CAMK1D: variants seen among roughly 807,000 people sequenced by gnomAD.
CAMK1D encodes calcium/calmodulin dependent protein kinase ID.
In CAMK1D, 9 loss-of-function variants were observed where a neutral mutation model predicts 47.7. The observed-to-expected ratio is 0.19, with a 90% CI of 0.11 to 0.33. CAMK1D has a LOEUF of 0.33. CAMK1D is among the 10% of genes least tolerant of loss of function. CAMK1D has a pLI of 1.00. For missense variants in CAMK1D, 291 were observed against 488.7 expected, an observed-to-expected ratio of 0.60 and a Z score of 3.81; for synonymous variants, 184 against 184.9, an observed-to-expected ratio of 0.99 and a Z score of 0.04.
intron 2 of CAMK1D, among the ~76,000 whole-genome samples, chr10:12,579,102 C>G (rs1837584480): frequency 6.6e-6 from 1 of 151,788 alleles, no homozygotes. Context: ...GAGCAAGAAA[C>G]AATTGGCTGG....
chr10:12,651,624 A>G (rs536051313), intron 2 of CAMK1D, among the ~76,000 whole-genome samples: 39 of 151,166 alleles, frequency 2.6e-4, no homozygotes, highest in Middle Eastern at 3.4e-3. Context: ...CTGGTCTCAA[A>G]CTCCTGGGTT....
chr10:12,409,018 G>T (rs1839556522), intron 1 of CAMK1D, among the ~76,000 whole-genome samples: 1 of 151,758 alleles, frequency 6.6e-6, no homozygotes, highest in Admixed American at 6.6e-5. Flanking sequence ...CACCATGCCT[G>T]GCTAATACTT....
At chr10:12,697,217 C>G (rs1588812382) in intron 3 of CAMK1D, among the ~76,000 whole-genome samples, 1 of 152,128 alleles carries the variant, frequency 6.6e-6, no homozygotes, top group South Asian at 2.1e-4. Context: ...TTTCATATGT[C>G]CAAGAACCAG....
intron 2 of CAMK1D, among the ~76,000 whole-genome samples, chr10:12,630,994 G>T (rs1839364291): frequency 6.6e-6 from 1 of 152,172 alleles, no homozygotes; most frequent in South Asian, 2.1e-4. Context: ...CAAACAGAAG[G>T]TAGGAGAAGC....
At chr10:12,622,252 T>C (rs991008833) in intron 2 of CAMK1D, among the ~76,000 whole-genome samples, 1 of 152,142 alleles carries the variant, frequency 6.6e-6, no homozygotes, top group African/African-American at 2.4e-5. Flanking sequence ...CCTGTAGGAT[T>C]TGGCTGGAGT....
intron 6 of CAMK1D, among the ~76,000 whole-genome samples, chr10:12,806,205 C>A (rs532467586): frequency 6.6e-6 from 1 of 152,320 alleles, no homozygotes; most frequent in Admixed American, 6.5e-5. Context: ...ATTTTTTACA[C>A]TTCCTGTTTA....
chr10:12,741,315 C>T (rs1486953263), intron 3 of CAMK1D, among the ~76,000 whole-genome samples: 3 of 152,156 alleles, frequency 2.0e-5, no homozygotes, highest in African/African-American at 4.8e-5. Context: ...TACGAACCGC[C>T]GGGTTAGACC....
At chr10:12,801,124 T>G (rs1838411783) in intron 6 of CAMK1D, among the ~76,000 whole-genome samples, 1 of 151,900 alleles carries the variant, frequency 6.6e-6, no homozygotes, top group Non-Finnish European at 1.5e-5. Context: ...AAGGAGGAGA[T>G]GGAGTTGGGA....
rs890462043 is a variant in CAMK1D at position 12,833,800 on chromosome 10, A to G, written c.*4913A>G. On this transcript the variant is annotated 3_prime_UTR_variant, in exon 11 of 11. Transcript: ENST00000619168. The stretch of plus-strand genomic sequence containing the variant: ...GAAGGTCCTTGAATTCAGCCAGTGC[A>G]CGAAACCTTTGCATGTTCTTCTGAA... The G allele has an allele frequency of 2.0e-5, 3 of 152,072 alleles. No individual in the cohort carries two copies. Among genetic ancestry groups the G allele is most frequent in the African/African-American group, 2.4e-5 (1 of 41,404 alleles). 9.4% of individuals were successfully genotyped at this position (152,072 alleles called of 1,614,324 possible). A position where few individuals can be genotyped will look rare whatever the true frequency, so the allele number is the denominator to read the frequency against.
intron 1 of CAMK1D, among the ~76,000 whole-genome samples, chr10:12,377,691 G>A (rs1046788808): frequency 2.6e-5 from 4 of 152,094 alleles, no homozygotes; most frequent in Admixed American, 2.6e-4. Flanking sequence ...CACTTCAAGG[G>A]GTTTCTTCAT....
chr10:12,368,193 C>T (rs1323990437), intron 1 of CAMK1D, among the ~76,000 whole-genome samples: 2 of 107,212 alleles, frequency 1.9e-5, no homozygotes, highest in South Asian at 3.5e-4. Context: ...AGCGAGACTC[C>T]GTCTCAAAAA....
intron 1 of CAMK1D, among the ~76,000 whole-genome samples, chr10:12,371,748 T>C (rs187489686): frequency 6.6e-6 from 1 of 151,500 alleles, no homozygotes; most frequent in Non-Finnish European, 1.5e-5. Context: ...ATAGAAAAAT[T>C]AGCTGGGCGT....
chr10:12,800,293 G>A (rs1445353191), intron 6 of CAMK1D, among the ~76,000 whole-genome samples: 3 of 152,202 alleles, frequency 2.0e-5, no homozygotes. Flanking sequence ...TGGTTACTAA[G>A]TTGGCCTTGC....
At chr10:12,674,856 A>AC (rs1456077148) in intron 3 of CAMK1D, among the ~76,000 whole-genome samples, 3 of 150,960 alleles carry the variant, frequency 2.0e-5, no homozygotes, top group Non-Finnish European at 3.0e-5. Context: ...AGATGGTGAA[A>AC]CCCCGTCTCT....
At chr10:12,572,173 C>T (rs1396570600) in intron 2 of CAMK1D, among the ~76,000 whole-genome samples, 2 of 151,988 alleles carry the variant, frequency 1.3e-5, no homozygotes, top group African/African-American at 4.8e-5. Flanking sequence ...CTCTACGTCC[C>T]CACCCAAATT....
chr10:12,461,705 A>G (rs891846209), intron 1 of CAMK1D, among the ~76,000 whole-genome samples: 5 of 151,630 alleles, frequency 3.3e-5, no homozygotes, highest in Admixed American at 1.3e-4. Flanking sequence ...AAAAAAAAAA[A>G]AAGAAGCTTT....
intron 1 of CAMK1D, among the ~76,000 whole-genome samples, chr10:12,535,304 C>T (rs896143609): frequency 5.9e-5 from 9 of 152,220 alleles, no homozygotes; most frequent in African/African-American, 1.7e-4. Flanking sequence ...CACCAAATTT[C>T]ACTCTCTGTT....
chr10:12,513,526 C>T lies in CAMK1D; in HGVS notation c.93-39699C>T, dbSNP rs567781070. ...ATTAGGCCGGGCGTGGTGATTCATG[C>T]CTGTAATCCCAGCACTTTGGAGGCC... On this transcript the variant is annotated intron_variant, in intron 1 of 10. Transcript: ENST00000619168. Among the ~76,000 whole-genome samples, 5 of 152,212 alleles carry T rather than the reference C, an allele frequency of 3.3e-5. No individual in the cohort carries two copies. In the South Asian group the frequency reaches 1.0e-3, roughly 32 times the overall value.
intron 1 of CAMK1D, among the ~76,000 whole-genome samples, chr10:12,374,013 A>G (rs1279711455): frequency 6.7e-6 from 1 of 149,612 alleles, no homozygotes; most frequent in Non-Finnish European, 1.5e-5. Flanking sequence ...TAATCCTAGC[A>G]CTTTGGGAGG....
Sources: gnomAD v4.1 joint callset for allele counts (sites outside exome capture counted in the v4.1 genomes callset) on GRCh38, gnomAD v4.1.1 for gene constraint, MANE v1.5 for transcripts, NCBI Gene and HGNC (gene_info 2026-07-23, HGNC 2026-07-21) for gene names.